HLCS: variants seen among roughly 807,000 people sequenced by gnomAD.
The protein encoded by HLCS is holocarboxylase synthetase, also known as biotin--protein ligase.
In HLCS, 53 loss-of-function variants were observed where a neutral mutation model predicts 75.0. The observed-to-expected ratio is 0.71, with a 90% CI of 0.57 to 0.89. The LOEUF (loss-of-function observed/expected upper bound fraction) is 0.89. HLCS is among the 40% of genes least tolerant of loss of function. HLCS has a pLI of 0.00. For missense variants in HLCS, 966 were observed against 1,074.0 expected, an observed-to-expected ratio of 0.90 and a Z score of 1.41; for synonymous variants, 431 against 428.6, an observed-to-expected ratio of 1.01 and a Z score of -0.07.
chr21:36,827,130 G>C (rs2062032191), intron 6 of HLCS, among the ~76,000 whole-genome samples: 1 of 152,134 alleles, frequency 6.6e-6, no homozygotes, highest in Non-Finnish European at 1.5e-5. Context: ...CTGGGAAATA[G>C]AGGTGCCTTG....
chr21:36,965,019 G>C (rs1419404637), intron 1 of HLCS, among the ~76,000 whole-genome samples: 1 of 152,186 alleles, frequency 6.6e-6, no homozygotes, highest in Non-Finnish European at 1.5e-5. Flanking sequence ...TCAGTTATGT[G>C]GAGGTGGTAC....
intron 6 of HLCS, among the ~76,000 whole-genome samples, chr21:36,838,873 C>A (rs1015483112): frequency 2.0e-5 from 3 of 152,196 alleles, no homozygotes; most frequent in African/African-American, 7.2e-5. Flanking sequence ...TCCCCTGGAG[C>A]CTCCAGAGGG....
intron 2 of HLCS, among the ~76,000 whole-genome samples, chr21:36,949,499 G>GAA (rs2067570785): frequency 6.6e-6 from 1 of 152,178 alleles, no homozygotes; most frequent in Non-Finnish European, 1.5e-5. Context: ...AGGCTCCAAG[G>GAA]TTTCTCATGA....
intron 6 of HLCS, among the ~76,000 whole-genome samples, chr21:36,868,215 A>G (rs1256452131): frequency 2.3e-5 from 2 of 85,332 alleles, no homozygotes; most frequent in Non-Finnish European, 4.4e-5. Flanking sequence ...AAGGGAAGGG[A>G]AAAAAGAGAG....
In HLCS at chr21:36,966,425, G is replaced by GGGGCCCCCCCC; in HGVS notation, c.195+18_195+19insGGGGGGGGCCC. Reference sequence around the variant, plus strand: ...CCGGCTCGCGGGGCCCGGGTCGCCCGCCCGCCCGACCCGCCCACCTGGCTG... The same window carrying GGGGCCCCCCCC: ...CCGGCTCGCGGGGCCCGGGTCGCCCGGGGCCCCCCCCCCCGCCCGACCCGCCCACCTGGCTG... On this transcript the variant is annotated intron_variant, in intron 1 of 10. Coordinates refer to ENST00000674895, the MANE Select transcript of HLCS (RefSeq NM_001352514.2). The GGGGCCCCCCCC allele has an allele frequency of 1.0e-5, 2 of 195,438 alleles. No individual in the cohort carries two copies. Among genetic ancestry groups the GGGGCCCCCCCC allele is most frequent in the African/African-American group, 2.6e-5 (1 of 38,512 alleles). 12.1% of individuals were successfully genotyped at this position (195,438 alleles called of 1,614,324 possible). A position where few individuals can be genotyped will look rare whatever the true frequency, so the allele number is the denominator to read the frequency against.
intron 6 of HLCS, among the ~76,000 whole-genome samples, chr21:36,885,573 G>A (rs1159438807): frequency 6.6e-6 from 1 of 151,774 alleles, no homozygotes; most frequent in Non-Finnish European, 1.5e-5. Flanking sequence ...TCTGTTTCAT[G>A]GACGTCCACA....
intron 6 of HLCS, among the ~76,000 whole-genome samples, chr21:36,817,167 T>C (rs1311405419): frequency 6.6e-6 from 1 of 152,214 alleles, no homozygotes; most frequent in Non-Finnish European, 1.5e-5. Context: ...CTTTTCAAAA[T>C]GAAAAAGCAA....
intron 1 of HLCS, among the ~76,000 whole-genome samples, chr21:36,964,992 C>T (rs969408927): frequency 6.6e-6 from 1 of 152,184 alleles, no homozygotes; most frequent in African/African-American, 2.4e-5. Context: ...ACTTCTTCCC[C>T]TTTTGTCTGG....
chr21:36,985,988 T>C (rs1204380115), intron 1 of HLCS, among the ~76,000 whole-genome samples: 1 of 152,122 alleles, frequency 6.6e-6, no homozygotes, highest in Non-Finnish European at 1.5e-5. Flanking sequence ...ATCTGTGGAG[T>C]GAGGCTTTGG....
At chr21:36,833,082 GCA>G (rs1182259330) in intron 6 of HLCS, among the ~76,000 whole-genome samples, 1 of 151,924 alleles carries the variant, frequency 6.6e-6, no homozygotes, top group Non-Finnish European at 1.5e-5. Flanking sequence ...GTGTACAGTG[GCA>G]CAATCAGTCC....
At chr21:36,890,602 T>C (rs1601643872) in intron 6 of HLCS, among the ~76,000 whole-genome samples, 1 of 152,004 alleles carries the variant, frequency 6.6e-6, no homozygotes, top group African/African-American at 2.4e-5. Context: ...GGTGGGGGGT[T>C]CATGCTCTAA....
chr21:36,894,443 T>A (rs2064927190), intron 6 of HLCS, among the ~76,000 whole-genome samples: 1 of 152,202 alleles, frequency 6.6e-6, no homozygotes, highest in South Asian at 2.1e-4. Flanking sequence ...GACATCAAGA[T>A]GACCTCTTCA....
intron 5 of HLCS, among the ~76,000 whole-genome samples, chr21:36,928,536 C>T (rs1384187845): frequency 6.6e-6 from 1 of 152,036 alleles, no homozygotes; most frequent in African/African-American, 2.4e-5. Flanking sequence ...CACCACTACA[C>T]TCCAGCCTGG....
At chr21:36,896,628 G>C in intron 6 of HLCS, 1 of 564,680 alleles carries the variant, frequency 1.8e-6, no homozygotes, top group Non-Finnish European at 3.2e-6. Context: ...AAAGAAGCAA[G>C]ACACAAAGCA....
At chr21:36,762,732 C>T (rs933533115) in intron 8 of HLCS, among the ~76,000 whole-genome samples, 1 of 152,208 alleles carries the variant, frequency 6.6e-6, no homozygotes, top group African/African-American at 2.4e-5. Context: ...AACATTGGTA[C>T]AAGCTTCTTA....
At chr21:36,937,481 C>G in intron 3 of HLCS, 89 bp from the exon 4 acceptor site, 3 of 1,176,702 alleles carry the variant, frequency 2.5e-6, no homozygotes, top group South Asian at 1.3e-5. Context: ...ATCACCCTCT[C>G]TGCATTCTGG....
intron 8 of HLCS, among the ~76,000 whole-genome samples, chr21:36,761,190 G>A (rs1188702870): frequency 3.3e-5 from 5 of 152,228 alleles, no homozygotes. Flanking sequence ...GAAGCTTAGA[G>A]AAATTATGTG....
chr21:36,927,793 G>A (rs978194883), intron 5 of HLCS, among the ~76,000 whole-genome samples: 5 of 152,196 alleles, frequency 3.3e-5, no homozygotes, highest in African/African-American at 1.2e-4. Context: ...AGGCAGCCTA[G>A]CTCAGCAGCG....
chr21:36,782,091 G>A (rs977237841), intron 6 of HLCS, among the ~76,000 whole-genome samples: 31 of 151,926 alleles, frequency 2.0e-4, no homozygotes, highest in Non-Finnish European at 4.4e-5. Flanking sequence ...TAGAATTTCT[G>A]CATTGATGCT....
Sources: allele counts gnomAD v4.1 joint callset (sites outside exome capture counted in the v4.1 genomes callset), GRCh38; gene constraint gnomAD v4.1.1; transcripts MANE v1.5; gene names NCBI Gene and HGNC (gene_info 2026-07-23, HGNC 2026-07-21).